The following SNX29 variants were observed in gnomAD, a reference collection of about 807,000 sequenced individuals.
SNX29 encodes sorting nexin 29.
A neutral mutation model predicts 102.1 loss-of-function variants in SNX29; 78 were observed. The observed-to-expected ratio is 0.76, with a 90% CI of 0.64 to 0.92. The LOEUF is 0.92. Among genes scored for constraint, SNX29 ranks in the 40% least tolerant of loss-of-function variants. The pLI is 0.00. For synonymous variants in SNX29, 580 were observed against 414.5 expected (o/e 1.40, Z -4.85); for missense variants, 1,280 against 1,061.7 (o/e 1.21, Z -2.86).
In SNX29 at chr16:12,485,805, C is replaced by G. The variant is rs115204941; in HGVS notation, c.2178+7946C>G. On this transcript the variant is annotated intron_variant, in intron 19 of 20. Transcript: ENST00000566228. ...AGGAGCTATATGAGCTGCAGGGAAC[C>G]TGGTGCAATCTGCAGATAGAGGAGA... Among the ~76,000 whole-genome samples the G allele has an allele frequency of 4.5e-3, 680 of 152,288 alleles. 5 individuals are homozygous for G. The highest frequency in any genetic ancestry group is 0.016 in the African/African-American group (655 of 41,550).
At chr16:12,483,114 G>GTTT (rs574090459) in intron 19 of SNX29, among the ~76,000 whole-genome samples, 2,402 of 66,108 alleles carry the variant, frequency 0.036, 466 homozygotes, top group African/African-American at 0.1. Flanking sequence ...AAGTTATTAA[G>GTTT]TTTTTTTTTT....
chr16:12,025,346 A>G (rs1239855641), intron 3 of SNX29, among the ~76,000 whole-genome samples: 2 of 151,096 alleles, frequency 1.3e-5, no homozygotes, highest in African/African-American at 4.9e-5. Flanking sequence ...TACAGAGACT[A>G]ACGTATGCAC....
intron 16 of SNX29, among the ~76,000 whole-genome samples, chr16:12,365,672 C>G (rs1324635137): frequency 1.4e-5 from 2 of 148,046 alleles, no homozygotes; most frequent in African/African-American, 5.0e-5. Flanking sequence ...GCCTGGGTGA[C>G]AGAGCAAGAC....
In SNX29 at chr16:12,103,684, T is replaced by C. The variant is rs184346328; in HGVS notation, c.1403-22949T>C. 1.1e-4 allele frequency among the ~76,000 whole-genome samples: 16 copies of C among 152,180 alleles called. No homozygotes were observed. In the East Asian group the frequency reaches 3.1e-3, roughly 29 times the overall value. On this transcript the variant is annotated intron_variant, in intron 11 of 20. Transcript: ENST00000566228. ...AAGAAATGGCAACAAAAACCAAAAT[T>C]GACAAATGGGATCTAATTAAACTAC...
chr16:11,978,993 C>G lies in SNX29; in HGVS notation c.7+2180C>G, dbSNP rs527721849. Among the ~76,000 whole-genome samples, 4 of 151,852 alleles carry G rather than the reference C, an allele frequency of 2.6e-5. 1 individual carries two copies. In the South Asian group the frequency reaches 8.3e-4, roughly 32 times the overall value. ...AAATTTAATTAAAAAATCATTACGT[C>G]TGCTGGGTGTGATGGCTCACACCTG... On this transcript the variant is annotated intron_variant, in intron 1 of 20. Transcript: ENST00000566228.
intron 1 of SNX29, among the ~76,000 whole-genome samples, chr16:11,979,275 C>CAAAAAAAAAAAAAAAAAAAAAAAAAA (rs71139569): frequency 4.8e-5 from 3 of 61,998 alleles, no homozygotes; most frequent in African/African-American, 2.2e-4. Flanking sequence ...ACTCAGTCTC[C>CAAAAAAAAAAAAAAAAAAAAAAAAAA]AAAAAAAAAA....
chr16:12,310,647 A>AT (rs930791536), intron 15 of SNX29, among the ~76,000 whole-genome samples: 27 of 152,328 alleles, frequency 1.8e-4, no homozygotes, highest in African/African-American at 4.8e-4. Flanking sequence ...GGAGGGTGGC[A>AT]TTACCAGGAG....
chr16:12,562,448 C>A (rs143558959), intron 20 of SNX29, among the ~76,000 whole-genome samples: 1 of 152,196 alleles, frequency 6.6e-6, no homozygotes, highest in African/African-American at 2.4e-5. Flanking sequence ...GCTAGTTTGA[C>A]TTTGATCCCC....
chr16:12,523,757 A>G (rs1567652135), intron 19 of SNX29, among the ~76,000 whole-genome samples: 1 of 152,178 alleles, frequency 6.6e-6, no homozygotes, highest in Non-Finnish European at 1.5e-5. Flanking sequence ...TCTGGATCAC[A>G]GAGCCCCTGA....
At chr16:12,397,454 G>A (rs8048377) in intron 16 of SNX29, among the ~76,000 whole-genome samples, 29,444 of 152,094 alleles carry the variant, frequency 0.19, 3,291 homozygotes, top group African/African-American at 0.29. Context: ...CCTGTCCTCA[G>A]GTTCACTGTG....
chr16:12,433,650 AG>A (rs1342145333), intron 18 of SNX29, among the ~76,000 whole-genome samples: 1,323 of 48,066 alleles, frequency 0.028, 50 homozygotes, highest in African/African-American at 0.08. Context: ...AAAAAAAAAA[AG>A]GAAACTTAGC....
chr16:12,441,673 A>G (rs189701), intron 18 of SNX29, among the ~76,000 whole-genome samples: 110,659 of 152,142 alleles, frequency 0.73, 41,567 homozygotes, highest in African/African-American at 0.93. Context: ...TGTGCTTCTG[A>G]TATCATGTCT....
At chr16:12,431,645 AGT>A (rs1432023634) in intron 18 of SNX29, among the ~76,000 whole-genome samples, 2 of 152,102 alleles carry the variant, frequency 1.3e-5, no homozygotes, top group Non-Finnish European at 2.9e-5. Context: ...TGTTACGTAA[AGT>A]GTGAGTTTTC....
intron 3 of SNX29, among the ~76,000 whole-genome samples, chr16:12,003,368 C>T (rs1596565022): frequency 6.6e-6 from 1 of 152,072 alleles, no homozygotes; most frequent in South Asian, 2.1e-4. Context: ...TGCCTAAATA[C>T]CCAAGATTTG....
intron 13 of SNX29, among the ~76,000 whole-genome samples, chr16:12,133,489 C>T (rs1200044380): frequency 6.6e-6 from 1 of 151,702 alleles, no homozygotes; most frequent in Non-Finnish European, 1.5e-5. Flanking sequence ...CGGGGTTTTG[C>T]CATGTTGCCC....
At chr16:12,039,528 G>C (rs1211580304) in intron 4 of SNX29, among the ~76,000 whole-genome samples, 2 of 151,872 alleles carry the variant, frequency 1.3e-5, no homozygotes, top group Non-Finnish European at 2.9e-5. Flanking sequence ...TGAAACATTA[G>C]AGTGAATTTA....
intron 18 of SNX29, among the ~76,000 whole-genome samples, chr16:12,445,498 A>C (rs1462235212): frequency 6.6e-6 from 1 of 152,212 alleles, no homozygotes; most frequent in Non-Finnish European, 1.5e-5. Context: ...CCTTGCTCAC[A>C]ACACAGGCAC....
intron 14 of SNX29, among the ~76,000 whole-genome samples, chr16:12,201,336 C>G (rs745970455): frequency 6.6e-6 from 1 of 152,186 alleles, no homozygotes; most frequent in Non-Finnish European, 1.5e-5. Flanking sequence ...TTTAGTCATT[C>G]ACTACATTCA....
intron 14 of SNX29, among the ~76,000 whole-genome samples, chr16:12,238,450 C>T (rs138818396): frequency 0.017 from 2,612 of 152,176 alleles, 95 homozygotes; most frequent in African/African-American, 0.06. Context: ...ATCAGCCTCC[C>T]GAGTAGCTGG....
Sources: gnomAD v4.1 joint callset for allele counts (sites outside exome capture counted in the v4.1 genomes callset) on GRCh38, gnomAD v4.1.1 for gene constraint, MANE v1.5 for transcripts, NCBI Gene and HGNC (gene_info 2026-07-23, HGNC 2026-07-21) for gene names.